WWOX: variants seen among roughly 807,000 people sequenced by gnomAD.
WWOX encodes the protein WW domain containing oxidoreductase.
In WWOX, 69 loss-of-function variants were observed where a neutral mutation model predicts 46.2. The ratio of observed to expected loss-of-function variants is 1.49; its 90% CI spans 1.23 to 1.82. The LOEUF (loss-of-function observed/expected upper bound fraction) is 1.82, where lower values mean the gene tolerates loss of function less well. Ranked by LOEUF, WWOX falls within the 40% of genes most tolerant of loss-of-function variation. WWOX has a pLI of 0.00. For synonymous variants in WWOX, 359 were observed against 202.6 expected (o/e 1.77, Z -6.56); for missense variants, 919 against 542.6 (o/e 1.69, Z -6.89).
At chr16:79,035,671 T>C (rs2047852135) in intron 8 of WWOX, among the ~76,000 whole-genome samples, 1 of 152,182 alleles carries the variant, frequency 6.6e-6, no homozygotes, top group Non-Finnish European at 1.5e-5. Context: ...CCCAAGTAGC[T>C]GGGAGTACAA....
intron 5 of WWOX, among the ~76,000 whole-genome samples, chr16:78,328,135 A>G (rs576644135): frequency 6.6e-6 from 1 of 152,050 alleles, no homozygotes; most frequent in East Asian, 1.9e-4. Flanking sequence ...TCAGCCTCCC[A>G]AAGTGTTGGG....
chr16:78,733,216 T>C (rs1204932999), intron 8 of WWOX, among the ~76,000 whole-genome samples: 1 of 152,226 alleles, frequency 6.6e-6, no homozygotes, highest in Non-Finnish European at 1.5e-5. Flanking sequence ...AGCAATATCA[T>C]TTGCCATAAA....
intron 8 of WWOX, among the ~76,000 whole-genome samples, chr16:78,498,850 G>A (rs1185463192): frequency 3.0e-5 from 4 of 132,544 alleles, no homozygotes; most frequent in African/African-American, 9.8e-5. Flanking sequence ...ACAGGCAGGA[G>A]CCACTGTTAC....
intron 8 of WWOX, among the ~76,000 whole-genome samples, chr16:79,080,447 G>A (rs1335341767): frequency 6.6e-6 from 1 of 152,116 alleles, no homozygotes; most frequent in Non-Finnish European, 1.5e-5. Context: ...CAAATTCCTG[G>A]GAGATAGAAT....
intron 8 of WWOX, among the ~76,000 whole-genome samples, chr16:78,847,873 G>A (rs1054355817): frequency 2.6e-5 from 4 of 152,154 alleles, no homozygotes; most frequent in Non-Finnish European, 5.9e-5. Flanking sequence ...TAGCAGCAGA[G>A]GCATGACAAG....
chr16:78,301,774 C>G (rs989099431), intron 5 of WWOX, among the ~76,000 whole-genome samples: 1 of 152,134 alleles, frequency 6.6e-6, no homozygotes, highest in African/African-American at 2.4e-5. Context: ...CACAGATGCA[C>G]TGGGTAACAG....
Position 78,886,639 on chromosome 16 carries a change from C to CATATATATATAT in WWOX, c.1057-324962_1057-324951dup, listed in dbSNP as rs3085495. ...CTATATAAAATATTACAAAGAAAAACATATATATATATATATATGTAAAAT... is the reference window on the plus strand; with the variant it reads ...CTATATAAAATATTACAAAGAAAAACATATATATATATATATATATATATATATATGTAAAAT... On this transcript the variant is annotated intron_variant, in intron 8 of 8. Transcript: ENST00000566780. 9.4e-3 allele frequency among the ~76,000 whole-genome samples: 1,364 copies of CATATATATATAT among 144,782 alleles called. 10 individuals carry two copies. Among genetic ancestry groups the CATATATATATAT allele is most frequent in the Middle Eastern group, 0.014 (4 of 276 alleles). The allele number at this position is 144,782 out of a possible 152,430, so 95.0% of individuals were successfully genotyped here.
intron 8 of WWOX, among the ~76,000 whole-genome samples, chr16:78,959,471 A>G (rs1278183440): frequency 2.0e-5 from 3 of 152,240 alleles, no homozygotes; most frequent in Admixed American, 1.3e-4. Context: ...AAACCTTCAC[A>G]GGGTTAGCCA....
At chr16:78,621,339 C>T (rs1217796371) in intron 8 of WWOX, among the ~76,000 whole-genome samples, 5 of 152,068 alleles carry the variant, frequency 3.3e-5, no homozygotes, top group Admixed American at 2.6e-4. Flanking sequence ...TCACCACCCA[C>T]CCAGTTCCTC....
intron 8 of WWOX, among the ~76,000 whole-genome samples, chr16:78,725,557 C>T (rs1050679972): frequency 2.0e-5 from 3 of 151,694 alleles, no homozygotes; most frequent in South Asian, 2.1e-4. Flanking sequence ...ATGTTGGTCA[C>T]GGTGGTCTCA....
intron 5 of WWOX, among the ~76,000 whole-genome samples, chr16:78,323,333 C>T (rs1167943694): frequency 6.6e-6 from 1 of 152,146 alleles, no homozygotes; most frequent in Admixed American, 6.5e-5. Context: ...TCTCGATCTC[C>T]TGACCTCATG....
chr16:78,584,565 A>G (rs962047649), intron 8 of WWOX, among the ~76,000 whole-genome samples: 1 of 152,210 alleles, frequency 6.6e-6, no homozygotes, highest in Non-Finnish European at 1.5e-5. Flanking sequence ...ATTTTAATAT[A>G]TACCTTTTAA....
chr16:78,620,424 TG>T (rs1359263094), intron 8 of WWOX, among the ~76,000 whole-genome samples: 1 of 152,120 alleles, frequency 6.6e-6, no homozygotes, highest in Non-Finnish European at 1.5e-5. Context: ...GAAAAAACCA[TG>T]GTGCTTGGGA....
rs145673110 is a variant in WWOX at position 78,872,347 on chromosome 16, G to A, written c.1057-339261G>A. Among the ~76,000 whole-genome samples, 572 of 152,234 alleles carry A rather than the reference G, an allele frequency of 3.8e-3. 4 individuals carry two copies. Among genetic ancestry groups the A allele is most frequent in the African/African-American group, 0.013 (534 of 41,542 alleles). On this transcript the variant is annotated intron_variant, in intron 8 of 8. Transcript: ENST00000566780. Reference sequence around the variant, plus strand: ...GGGAAAACACTTGTTGCAGACTGAGGACTCAACAAAGTTATAATTAAAGCT... The same window carrying A: ...GGGAAAACACTTGTTGCAGACTGAGAACTCAACAAAGTTATAATTAAAGCT...
At position 79,053,114 on chromosome 16, in the gene WWOX, C is replaced by G. The variant is rs2656651; in HGVS notation, c.1057-158494C>G. Among the ~76,000 whole-genome samples the G allele has an allele frequency of 7.9e-5, 12 of 152,136 alleles. No individual in the cohort carries two copies. The South Asian group carries it at 2.5e-3, about 32-fold the overall frequency. On this transcript the variant is annotated intron_variant, in intron 8 of 8. Transcript: ENST00000566780. ...GATGAAATCTTTTGATCATGTTCTT[C>G]ACAATATTAGAGGTAAAACATGAAC... is the stretch of plus-strand genomic sequence containing the variant.
At chr16:78,961,650 C>T (rs749381849) in intron 8 of WWOX, among the ~76,000 whole-genome samples, 10 of 152,048 alleles carry the variant, frequency 6.6e-5, no homozygotes, top group Non-Finnish European at 1.2e-4. Flanking sequence ...TTTGATCTTC[C>T]AGCTTCACGT....
intron 8 of WWOX, among the ~76,000 whole-genome samples, chr16:78,563,407 G>A (rs1032679332): frequency 1.3e-5 from 2 of 151,396 alleles, no homozygotes; most frequent in African/African-American, 4.9e-5. Flanking sequence ...GACAGGTATT[G>A]AAGCCAAAAA....
At chr16:79,211,296 T>A (rs1003772384) in intron 8 of WWOX, among the ~76,000 whole-genome samples, 10 of 152,166 alleles carry the variant, frequency 6.6e-5, no homozygotes, top group Non-Finnish European at 1.5e-4. Flanking sequence ...GATACCATCT[T>A]TTTCTCTGTG....
Position 79,187,240 on chromosome 16 carries a change from T to C in WWOX, c.1057-24368T>C, listed in dbSNP as rs191306548. On this transcript the variant is annotated intron_variant, in intron 8 of 8. Transcript: ENST00000566780. ...TAAAACGGGTTAATATCAGCACTTA[T>C]CACATAGTTTTTGAGAAAGCTAAAC... Among the ~76,000 whole-genome samples the C allele has an allele frequency of 1.5e-3, 225 of 152,344 alleles. 1 individual carries two copies. The highest frequency in any genetic ancestry group is 4.9e-3 in the African/African-American group (205 of 41,578).
Sources: allele counts gnomAD v4.1 joint callset (sites outside exome capture counted in the v4.1 genomes callset), GRCh38; gene constraint gnomAD v4.1.1; transcripts MANE v1.5; gene names NCBI Gene and HGNC (gene_info 2026-07-23, HGNC 2026-07-21).